Variants in GNAO1 observed in about 807,000 individuals in gnomAD.
The protein encoded by GNAO1 is guanine nucleotide-binding protein G(o) subunit alpha.
For missense variants in GNAO1, 166 were observed against 478.7 expected, an observed-to-expected ratio of 0.35 and a Z score of 6.10; for synonymous variants, 164 against 180.7, an observed-to-expected ratio of 0.91 and a Z score of 0.74.
At chr16:56,248,075 T>C (rs887926180) in intron 2 of GNAO1, among the ~76,000 whole-genome samples, 2 of 152,232 alleles carry the variant, frequency 1.3e-5, no homozygotes, top group African/African-American at 4.8e-5. Context: ...TGTTAGTGCC[T>C]TTAAGAAAAC....
At chr16:56,223,270 G>C (rs57537763) in intron 2 of GNAO1, among the ~76,000 whole-genome samples, 21,607 of 152,108 alleles carry the variant, frequency 0.14, 2,061 homozygotes, top group African/African-American at 0.27. Flanking sequence ...ACCGAGGGCT[G>C]TTCCCAGGTT....
intron 6 of GNAO1, among the ~76,000 whole-genome samples, chr16:56,338,477 A>G (rs566003090): frequency 2.0e-5 from 3 of 152,052 alleles, no homozygotes; most frequent in Non-Finnish European, 4.4e-5. Context: ...CCCACTCCCC[A>G]CTGCTAGACT....
intron 2 of GNAO1, among the ~76,000 whole-genome samples, chr16:56,271,508 C>T (rs1438007123): frequency 6.6e-6 from 1 of 152,176 alleles, no homozygotes; most frequent in African/African-American, 2.4e-5. Context: ...GGCTGGAGTG[C>T]AGTGGCGTGA....
At chr16:56,269,005 A>C (rs1269248726) in intron 2 of GNAO1, among the ~76,000 whole-genome samples, 1 of 152,176 alleles carries the variant, frequency 6.6e-6, no homozygotes, top group Non-Finnish European at 1.5e-5. Flanking sequence ...TACTGCCGAG[A>C]TCTCCCTGAC....
At chr16:56,269,690 C>T (rs1197596903) in intron 2 of GNAO1, among the ~76,000 whole-genome samples, 6 of 152,056 alleles carry the variant, frequency 3.9e-5, no homozygotes, top group African/African-American at 7.2e-5. Flanking sequence ...GGAGCCAGGG[C>T]GCTGATAAAG....
chr16:56,283,703 C>CT (rs1216773323), intron 3 of GNAO1, among the ~76,000 whole-genome samples: 1 of 152,096 alleles, frequency 6.6e-6, no homozygotes, highest in African/African-American at 2.4e-5. Flanking sequence ...CTGACGAGGG[C>CT]TGGAGGATGT....
chr16:56,354,010 G>A lies in GNAO1; in HGVS notation c.878-856G>A, dbSNP rs1318931687. ...CAATGCCCCAATGTCCTGGCCACTC[G>A]CTTAAGAACCACGCCTACTAATGAT... On this transcript the variant is annotated intron_variant, in intron 7 of 8. Transcript: ENST00000262493. This position sits in a 1 kb window ranked among gnomAD's most constrained non-coding sequence, Gnocchi z 4.3. Among the ~76,000 whole-genome samples, 3 of 152,316 alleles carry A rather than the reference G, an allele frequency of 2.0e-5. No individual in the cohort carries two copies. Among genetic ancestry groups the A allele is most frequent in the Admixed American group, 6.5e-5 (1 of 15,308 alleles).
At chr16:56,258,696 CA>C (rs1259030359) in intron 2 of GNAO1, among the ~76,000 whole-genome samples, 1 of 152,260 alleles carries the variant, frequency 6.6e-6, no homozygotes, top group East Asian at 1.9e-4. Flanking sequence ...TCGGTCTGGA[CA>C]GACTTGCAGC....
intron 3 of GNAO1, among the ~76,000 whole-genome samples, chr16:56,293,419 G>A (rs140654119): frequency 1.3e-3 from 199 of 152,198 alleles, no homozygotes; most frequent in African/African-American, 4.6e-3. Context: ...TATGGTGGTG[G>A]CTTCTCACCC....
Position 56,206,096 on chromosome 16 carries a change from G to T in GNAO1, c.161+13480G>T, listed in dbSNP as rs192954728. 5.9e-5 allele frequency among the ~76,000 whole-genome samples: 9 copies of T among 152,104 alleles called. No homozygotes were observed. In the East Asian group the frequency reaches 1.7e-3, roughly 30 times the overall value. The stretch of plus-strand genomic sequence containing the variant: ...AGCACTTTGGGAGGCTGAGGTGGGC[G>T]GATCACAAAGTCAGGAGATCCAGAC... On this transcript the variant is annotated intron_variant, in intron 2 of 8. Coordinates refer to ENST00000262493, the MANE Select transcript of GNAO1 (RefSeq NM_020988.3).
At position 56,262,486 on chromosome 16, in the gene GNAO1, G is replaced by A. The variant is rs189425283; in HGVS notation, c.162-13445G>A. 7.2e-5 allele frequency among the ~76,000 whole-genome samples: 11 copies of A among 152,270 alleles called. No homozygotes were observed. The East Asian group carries it at 1.5e-3, about 21-fold the overall frequency. On this transcript the variant is annotated intron_variant, in intron 2 of 8. Transcript: ENST00000262493. ...CTGTGGTTCATGAGAACACATCTAG[G>A]CGCTAATGAGCAGGAACATAAATAA...
chr16:56,311,957 G>A lies in GNAO1; in HGVS notation c.304-16674G>A, dbSNP rs139339746. Among the ~76,000 whole-genome samples, 293 of 152,252 alleles carry A rather than the reference G, an allele frequency of 1.9e-3. 3 individuals carry two copies. Among genetic ancestry groups the A allele is most frequent in the Admixed American group, 0.015 (230 of 15,294 alleles). Reference sequence around the variant, plus strand: ...CAACACGGTAATGCCGGTTCCCCTGGGTGGGCACCAGCCAAGCCCTCTGGG... The same window carrying A: ...CAACACGGTAATGCCGGTTCCCCTGAGTGGGCACCAGCCAAGCCCTCTGGG... On this transcript the variant is annotated intron_variant, in intron 3 of 8. Coordinates refer to ENST00000262493, the MANE Select transcript of GNAO1 (RefSeq NM_020988.3). The surrounding 1 kb of genome is among the most constrained non-coding windows in gnomAD (Gnocchi z 5.2).
intron 6 of GNAO1, chr16:56,347,532 A>T (rs973598359): frequency 1.0e-6 from 1 of 985,366 alleles, no homozygotes; most frequent in East Asian, 1.1e-4. Context: ...CTGCAGCCAG[A>T]TGAAGGCCCC....
chr16:56,194,358 G>A (rs1323398906), intron 2 of GNAO1: 1 of 437,210 alleles, frequency 2.3e-6, no homozygotes, highest in Non-Finnish European at 4.7e-6. Flanking sequence ...TGCAAGCCGC[G>A]CCACCCCTTT....
chr16:56,211,047 G>C (rs960191944), intron 2 of GNAO1, among the ~76,000 whole-genome samples: 1 of 152,148 alleles, frequency 6.6e-6, no homozygotes, highest in South Asian at 2.1e-4. Flanking sequence ...ATCTGACTAG[G>C]TTCCTATGGC....
intron 2 of GNAO1, among the ~76,000 whole-genome samples, chr16:56,244,729 G>C (rs538904297): frequency 5.9e-5 from 9 of 152,246 alleles, no homozygotes; most frequent in African/African-American, 2.2e-4. Flanking sequence ...CCTGTGGCAG[G>C]CCCAAGCTAA....
At chr16:56,201,828 G>A (rs1352889367) in intron 2 of GNAO1, among the ~76,000 whole-genome samples, 1 of 152,174 alleles carries the variant, frequency 6.6e-6, no homozygotes, top group Non-Finnish European at 1.5e-5. Flanking sequence ...GAGAAGACTT[G>A]GGGAGAAAAG....
Position 56,351,757 on chromosome 16 carries a change from T to G in GNAO1, c.877+220T>G. The stretch of plus-strand genomic sequence containing the variant: ...GGTGGAAATGGCCCCTCCTAAGATA[T>G]ATGTGTTAGGACCAAGTGACTCAGG... On this transcript the variant is annotated intron_variant, in intron 7 of 8. Coordinates refer to ENST00000262493, the MANE Select transcript of GNAO1 (RefSeq NM_020988.3). This position sits in a 1 kb window ranked among gnomAD's most constrained non-coding sequence, Gnocchi z 6.1. 2 of 548,188 alleles carry G rather than the reference T, an allele frequency of 3.6e-6. No individual in the cohort carries two copies. The highest frequency in any genetic ancestry group is 6.6e-6 in the Non-Finnish European group (2 of 305,086). 34.0% of individuals were successfully genotyped at this position (548,188 alleles called of 1,614,324 possible).
intron 3 of GNAO1, among the ~76,000 whole-genome samples, chr16:56,327,692 G>A (rs2037649817): frequency 6.6e-6 from 1 of 152,164 alleles, no homozygotes; most frequent in Admixed American, 6.5e-5. Context: ...AGGATGAGGG[G>A]AAGGGGAAGA....
Sources: gnomAD v4.1 joint callset for allele counts (sites outside exome capture counted in the v4.1 genomes callset) on GRCh38, gnomAD v4.1.1 for gene constraint, Gnocchi (gnomAD v3.1) non-coding constraint, MANE v1.5 for transcripts, NCBI Gene and HGNC (gene_info 2026-07-23, HGNC 2026-07-21) for gene names.